The following TFAP2D variants were observed in gnomAD, a reference collection of about 807,000 sequenced individuals.
The protein encoded by TFAP2D is transcription factor AP-2 delta.
A neutral mutation model predicts 43.6 loss-of-function variants in TFAP2D; 9 were observed. That is an observed-to-expected ratio of 0.21 (90% CI 0.12 to 0.36). The LOEUF (loss-of-function observed/expected upper bound fraction) is 0.36. Ranked by LOEUF, TFAP2D falls within the 10% of genes least tolerant of loss-of-function variation. The pLI, the probability that TFAP2D is intolerant of heterozygous loss-of-function variation, is 1.00. For missense variants in TFAP2D, 513 were observed against 561.4 expected (o/e 0.91, Z 0.87); for synonymous variants, 256 against 224.9 (o/e 1.14, Z -1.24).
At chr6:50,732,952 C>T (rs1391837047) in intron 5 of TFAP2D, among the ~76,000 whole-genome samples, 1 of 151,924 alleles carries the variant, frequency 6.6e-6, no homozygotes, top group Non-Finnish European at 1.5e-5. Context: ...CATATTAGAG[C>T]CATTATTCTT....
chr6:50,733,087 T>A (rs1269531679), intron 5 of TFAP2D, among the ~76,000 whole-genome samples: 1 of 152,114 alleles, frequency 6.6e-6, no homozygotes, highest in African/African-American at 2.4e-5. Flanking sequence ...TGAAGAACTT[T>A]AGACTAACTG....
chr6:50,763,973 T>C (rs1322316518), intron 7 of TFAP2D, among the ~76,000 whole-genome samples: 6 of 152,170 alleles, frequency 3.9e-5, no homozygotes, highest in Non-Finnish European at 7.4e-5. Flanking sequence ...TAAATATTAC[T>C]ATATGCAAAT....
At position 50,752,089 on chromosome 6, in the gene TFAP2D, T is replaced by A. The variant is rs557391597; in HGVS notation, c.1139+765T>A. On this transcript the variant is annotated intron_variant, in intron 7 of 7. Transcript: ENST00000008391. ...GGTTTTCCAGAAGTATGTTAAAAAT[T>A]TTGATGCAATTAGAAACTGCAAATG... Among the ~76,000 whole-genome samples the A allele has an allele frequency of 7.2e-5, 11 of 152,000 alleles. No individual in the cohort carries two copies. The South Asian group carries it at 8.3e-4, about 11-fold the overall frequency.
chr6:50,742,954 AACACACACAC>A (rs3060372), intron 5 of TFAP2D, among the ~76,000 whole-genome samples: 2,050 of 139,700 alleles, frequency 0.015, 42 homozygotes, highest in African/African-American at 0.05. Flanking sequence ...ACGACTTTAA[AACACACACAC>A]ACACACACAC....
intron 5 of TFAP2D, among the ~76,000 whole-genome samples, chr6:50,730,697 C>T (rs1768874669): frequency 6.6e-6 from 1 of 152,030 alleles, no homozygotes; most frequent in South Asian, 2.1e-4. Context: ...AACCCAACTC[C>T]ACAGAAGAGT....
intron 2 of TFAP2D, chr6:50,717,931 C>T (rs764170284): frequency 3.3e-5 from 5 of 152,154 alleles, no homozygotes; most frequent in Non-Finnish European, 7.3e-5. Flanking sequence ...TGTAAATATA[C>T]TTTTCCCTGC....
At chr6:50,751,186 T>A in intron 6 of TFAP2D, 25 bp from the exon 7 acceptor site, 1 of 1,520,184 alleles carries the variant, frequency 6.6e-7, no homozygotes, top group Non-Finnish European at 9.1e-7. Context: ...AAATTTCAAT[T>A]TTAAATTTGA....
At chr6:50,756,464 T>G (rs1769267375) in intron 7 of TFAP2D, among the ~76,000 whole-genome samples, 1 of 152,076 alleles carries the variant, frequency 6.6e-6, no homozygotes, top group African/African-American at 2.4e-5. Context: ...CCTTATAGGT[T>G]GGCTGATTTG....
rs150800631 is a variant in TFAP2D, at chr6:50,753,529, T to C, written c.1139+2205T>C. Among the ~76,000 whole-genome samples the C allele has an allele frequency of 4.6e-3, 696 of 151,906 alleles. 7 individuals are homozygous for C. The highest frequency in any genetic ancestry group is 0.016 in the African/African-American group (656 of 41,484). On this transcript the variant is annotated intron_variant, in intron 7 of 7. Coordinates refer to ENST00000008391, the MANE Select transcript of TFAP2D (RefSeq NM_172238.4). ...TTATATGCTCTTATTTACCTCCCCA[T>C]ACAGAATATGGGAACAAGCTGGTGT...
At chr6:50,729,642 T>A (rs774133669) in intron 5 of TFAP2D, among the ~76,000 whole-genome samples, 26 of 152,286 alleles carry the variant, frequency 1.7e-4, no homozygotes, top group Middle Eastern at 3.4e-3. Context: ...ATTTCAGAGT[T>A]TAAGTGAATC....
At chr6:50,734,800 G>T (rs1252089103) in intron 5 of TFAP2D, among the ~76,000 whole-genome samples, 12 of 152,012 alleles carry the variant, frequency 7.9e-5, no homozygotes, top group Admixed American at 7.9e-4. Context: ...ATAAAGAAAA[G>T]ATAAAAATTT....
intron 3 of TFAP2D, among the ~76,000 whole-genome samples, chr6:50,721,880 A>G (rs1193053686): frequency 6.6e-6 from 1 of 152,202 alleles, no homozygotes; most frequent in Non-Finnish European, 1.5e-5. Context: ...TCCACTTCCA[A>G]AGACCCCAAA....
chr6:50,714,667 G>A (rs1561929234), intron 1 of TFAP2D, among the ~76,000 whole-genome samples: 2 of 152,250 alleles, frequency 1.3e-5, no homozygotes, highest in African/African-American at 4.8e-5. Context: ...TTCGATGCTG[G>A]GGTCTAGTTA....
chr6:50,757,350 T>TATGTAATTATTCTATATAGAGAATAC (rs2113889528), intron 7 of TFAP2D, among the ~76,000 whole-genome samples: 1 of 138,834 alleles, frequency 7.2e-6, no homozygotes, highest in African/African-American at 2.6e-5. Context: ...ATAGAGAATA[T>TATGTAATTATTCTATATAGAGAATAC]ATGTAATTAT....
chr6:50,770,380 G>A lies in TFAP2D; in HGVS notation c.1140-2265G>A, dbSNP rs142177997. Among the ~76,000 whole-genome samples, 7 of 152,214 alleles carry A rather than the reference G, an allele frequency of 4.6e-5. No individual in the cohort carries two copies. The East Asian group carries it at 1.4e-3, about 29-fold the overall frequency. On this transcript the variant is annotated intron_variant, in intron 7 of 7. Transcript: ENST00000008391. ...GGTGCAGATAATTGCCCAAGCATTG[G>A]CCATTGTTGTTTCCCACATAATCAG...
intron 7 of TFAP2D, among the ~76,000 whole-genome samples, chr6:50,769,539 CA>C (rs1769495014): frequency 6.6e-6 from 1 of 152,190 alleles, no homozygotes; most frequent in African/African-American, 2.4e-5. Context: ...GCTCTTTTCT[CA>C]AAGTGGATAA....
intron 7 of TFAP2D, among the ~76,000 whole-genome samples, chr6:50,766,421 G>T (rs921854428): frequency 6.6e-6 from 1 of 151,858 alleles, no homozygotes; most frequent in African/African-American, 2.4e-5. Flanking sequence ...TTTTGGTAGG[G>T]GTTGCACTGA....
intron 5 of TFAP2D, among the ~76,000 whole-genome samples, chr6:50,733,233 C>G (rs1404049854): frequency 6.6e-6 from 1 of 151,910 alleles, no homozygotes; most frequent in African/African-American, 2.4e-5. Context: ...TGAATTGAGT[C>G]CCACGAAAGC....
At chr6:50,746,616 T>A (rs1255531598) in intron 6 of TFAP2D, among the ~76,000 whole-genome samples, 1 of 152,168 alleles carries the variant, frequency 6.6e-6, no homozygotes, top group Non-Finnish European at 1.5e-5. Flanking sequence ...TAACAAGTAA[T>A]TATTTAATGC....
Sources: gnomAD v4.1 joint callset for allele counts (sites outside exome capture counted in the v4.1 genomes callset) on GRCh38, gnomAD v4.1.1 for gene constraint, MANE v1.5 for transcripts, NCBI Gene and HGNC (gene_info 2026-07-23, HGNC 2026-07-21) for gene names.